Variants in AFAP1 observed in about 807,000 individuals in gnomAD.
AFAP1 encodes actin filament-associated protein 1.
In AFAP1, 75 loss-of-function variants were observed where a neutral mutation model predicts 93.9. That is an observed-to-expected ratio of 0.80 (90% confidence interval 0.66 to 0.97). The LOEUF (loss-of-function observed/expected upper bound fraction) is 0.97. AFAP1 is among the 50% of genes least tolerant of loss of function. The pLI is 0.00. For missense variants in AFAP1, 1,201 were observed against 1,050.8 expected (o/e 1.14, Z -1.98); for synonymous variants, 517 against 430.7 (o/e 1.20, Z -2.48).
chr4:7,824,681 G>A (rs141510047), intron 6 of AFAP1, among the ~76,000 whole-genome samples: 19 of 152,154 alleles, frequency 1.2e-4, no homozygotes, highest in African/African-American at 3.6e-4. Flanking sequence ...TCTCACTCAT[G>A]TGGGTGCTAA....
At chr4:7,787,492 G>A (rs1006655581) in intron 11 of AFAP1, among the ~76,000 whole-genome samples, 1 of 152,222 alleles carries the variant, frequency 6.6e-6, no homozygotes, top group African/African-American at 2.4e-5. Flanking sequence ...ATCTGAAGTG[G>A]AGTCAGCTTT....
At chr4:7,912,789 TGTATGAG>T (rs1719810802) in intron 1 of AFAP1, among the ~76,000 whole-genome samples, 1 of 152,218 alleles carries the variant, frequency 6.6e-6, no homozygotes, top group Non-Finnish European at 1.5e-5. Flanking sequence ...AGTTAATTTT[TGTATGAG>T]GTATGAGGTT....
chr4:7,836,902 T>C (rs1212552877), intron 6 of AFAP1, among the ~76,000 whole-genome samples: 1 of 136,058 alleles, frequency 7.3e-6, no homozygotes, highest in East Asian at 1.9e-4. Context: ...TCAATAAAGC[T>C]GTTATAAAAA....
At chr4:7,781,234 T>C (rs1305649591) in intron 13 of AFAP1, 142 bp downstream of exon 13, 1 of 1,092,510 alleles carries the variant, frequency 9.2e-7, no homozygotes, top group Non-Finnish European at 1.3e-6. Context: ...GTAGTCAGGC[T>C]GCAAATTATA....
intron 1 of AFAP1, among the ~76,000 whole-genome samples, chr4:7,890,892 T>G (rs1718432820): frequency 6.6e-6 from 1 of 152,168 alleles, no homozygotes; most frequent in East Asian, 1.9e-4. Flanking sequence ...ACACGTACCA[T>G]GAGATCCAGT....
At chr4:7,793,898 A>G in intron 10 of AFAP1, 72 bp from the exon 11 acceptor site, 1 of 1,396,356 alleles carries the variant, frequency 7.2e-7, no homozygotes. Context: ...GTGTCAATAA[A>G]GAGACCACAT....
intron 1 of AFAP1, among the ~76,000 whole-genome samples, chr4:7,916,964 C>T (rs1279212124): frequency 2.6e-5 from 4 of 152,114 alleles, no homozygotes; most frequent in East Asian, 3.8e-4. Context: ...TTGAAATGAT[C>T]GTAAATCACC....
chr4:7,899,937 T>A (rs1409024618), intron 1 of AFAP1, among the ~76,000 whole-genome samples: 1 of 151,198 alleles, frequency 6.6e-6, no homozygotes. Flanking sequence ...TATCAGTGAC[T>A]AACACCTCAT....
intron 3 of AFAP1, among the ~76,000 whole-genome samples, chr4:7,860,052 A>G (rs1046730113): frequency 6.6e-6 from 1 of 152,156 alleles, no homozygotes; most frequent in Non-Finnish European, 1.5e-5. Flanking sequence ...CTGAGGTGGG[A>G]GGACTGCTCG....
intron 2 of AFAP1, 82 bp downstream of exon 2, chr4:7,871,870 T>C: frequency 6.7e-7 from 1 of 1,502,220 alleles, no homozygotes; most frequent in East Asian, 2.3e-5. Flanking sequence ...ATAAATATAT[T>C]TTAGAAAGGT....
intron 1 of AFAP1, among the ~76,000 whole-genome samples, chr4:7,888,929 T>C (rs540746037): frequency 1.3e-5 from 2 of 152,174 alleles, no homozygotes; most frequent in East Asian, 2.0e-4. Flanking sequence ...TAGCTGGGAT[T>C]ACAGGTGCCC....
At chr4:7,865,631 C>T (rs1173570060) in intron 3 of AFAP1, among the ~76,000 whole-genome samples, 1 of 152,156 alleles carries the variant, frequency 6.6e-6, no homozygotes, top group Non-Finnish European at 1.5e-5. Flanking sequence ...AAGTAATAAA[C>T]TATACTGGAA....
intron 1 of AFAP1, among the ~76,000 whole-genome samples, chr4:7,883,865 C>A (rs531268732): frequency 6.6e-6 from 1 of 152,160 alleles, no homozygotes; most frequent in African/African-American, 2.4e-5. Flanking sequence ...GACAACTTAA[C>A]ATCAAAAAGA....
intron 2 of AFAP1, among the ~76,000 whole-genome samples, chr4:7,869,048 GAGAA>G (rs1015490129): frequency 8.8e-6 from 1 of 114,166 alleles, no homozygotes; most frequent in African/African-American, 3.3e-5. Context: ...GAAAAGAAAA[GAGAA>G]AGAGAAAGGG....
intron 17 of AFAP1, among the ~76,000 whole-genome samples, chr4:7,766,196 A>G (rs749118543): frequency 1.3e-5 from 2 of 152,192 alleles, no homozygotes; most frequent in African/African-American, 2.4e-5. Context: ...GTGTTCTGCA[A>G]AGGGGAGGAT....
intron 17 of AFAP1, among the ~76,000 whole-genome samples, chr4:7,766,333 C>A (rs552432808): frequency 1.1e-4 from 17 of 152,208 alleles, no homozygotes; most frequent in Non-Finnish European, 2.5e-4. Context: ...GGGCAGTCCT[C>A]TGTTGTACAG....
At chr4:7,837,637 C>T (rs1237412690) in intron 6 of AFAP1, among the ~76,000 whole-genome samples, 1 of 152,134 alleles carries the variant, frequency 6.6e-6, no homozygotes, top group African/African-American at 2.4e-5. Context: ...TGAACAGGAA[C>T]ACATTTAATA....
chr4:7,807,355 T>C (rs772858586), intron 9 of AFAP1, among the ~76,000 whole-genome samples: 3 of 152,212 alleles, frequency 2.0e-5, no homozygotes, highest in African/African-American at 7.2e-5. Flanking sequence ...CCACCTTCCA[T>C]GCGCTCCAAG....
chr4:7,901,226 G>A (rs894979670), intron 1 of AFAP1, among the ~76,000 whole-genome samples: 1 of 152,202 alleles, frequency 6.6e-6, no homozygotes, highest in Non-Finnish European at 1.5e-5. Flanking sequence ...GTGCCTAGCA[G>A]GGAGATGGGG....
Sources: allele counts gnomAD v4.1 joint callset (sites outside exome capture counted in the v4.1 genomes callset), GRCh38; gene constraint gnomAD v4.1.1; transcripts MANE v1.5; gene names NCBI Gene and HGNC (gene_info 2026-07-23, HGNC 2026-07-21).